SNX4: variants seen among roughly 807,000 people sequenced by gnomAD.
The protein encoded by SNX4 is sorting nexin-4.
In SNX4, 49 loss-of-function variants were observed where a neutral mutation model predicts 70.8. That is an observed-to-expected ratio of 0.69 (90% CI 0.55 to 0.88). SNX4 has a LOEUF of 0.88. Ranked by LOEUF, SNX4 falls within the 40% of genes least tolerant of loss-of-function variation. The pLI, the probability that SNX4 is intolerant of heterozygous loss-of-function variation, is 0.00. For synonymous variants in SNX4, 206 were observed against 183.8 expected, an observed-to-expected ratio of 1.12 and a Z score of -0.98; for missense variants, 528 against 544.8, an observed-to-expected ratio of 0.97 and a Z score of 0.31.
chr3:125,519,047 C>T (rs1420775792), intron 1 of SNX4, among the ~76,000 whole-genome samples: 1 of 151,694 alleles, frequency 6.6e-6, no homozygotes, highest in African/African-American at 2.4e-5. Flanking sequence ...TTAATTTAGC[C>T]GTGCGTGGTG....
chr3:125,449,429 AAAAG>A (rs773250992), intron 13 of SNX4, among the ~76,000 whole-genome samples: 18 of 151,742 alleles, frequency 1.2e-4, no homozygotes, highest in Admixed American at 3.9e-4. Context: ...AAAAAAAAAA[AAAAG>A]AAAGAAAGAA....
chr3:125,450,487 G>A (rs544860974), intron 13 of SNX4, among the ~76,000 whole-genome samples: 3 of 152,162 alleles, frequency 2.0e-5, no homozygotes, highest in Non-Finnish European at 4.4e-5. Context: ...CTATAAATGT[G>A]AGAATTCATC....
At position 125,459,506 on chromosome 3, in the gene SNX4, G is replaced by C. The variant is rs746597983; in HGVS notation, c.944+1265C>G. ...GGCTGGAGTGTAATGGTGCGATCTC[G>C]GCTCACTGCAACCTCCACCTCCCCT... On this transcript the variant is annotated intron_variant, in intron 10 of 13. Coordinates refer to ENST00000251775, the MANE Select transcript of SNX4 (RefSeq NM_003794.4). Among the ~76,000 whole-genome samples, 16 of 152,010 alleles carry C rather than the reference G, an allele frequency of 1.1e-4. 1 individual carries two copies. The highest frequency in any genetic ancestry group is 5.9e-5 in the Non-Finnish European group (4 of 67,982).
chr3:125,457,399 T>C (rs780380198), intron 10 of SNX4, 34 bp from the exon 11 acceptor site: 2 of 1,509,668 alleles, frequency 1.3e-6, no homozygotes, highest in African/African-American at 2.7e-5. Context: ...CATTTAACTT[T>C]TCCTTTAACA....
intron 2 of SNX4, among the ~76,000 whole-genome samples, chr3:125,500,161 C>T (rs568599410): frequency 6.6e-6 from 1 of 151,898 alleles, no homozygotes; most frequent in Non-Finnish European, 1.5e-5. Context: ...TTCATTAGAC[C>T]CCAAAACTAC....
intron 1 of SNX4, among the ~76,000 whole-genome samples, chr3:125,510,417 G>A (rs1226628068): frequency 6.6e-6 from 1 of 151,872 alleles, no homozygotes; most frequent in Non-Finnish European, 1.5e-5. Context: ...TTTTAGTACA[G>A]ACAGGGTTTC....
At chr3:125,497,517 T>C (rs1459210561) in intron 4 of SNX4, 129 bp from the exon 5 acceptor site, 2 of 685,350 alleles carry the variant, frequency 2.9e-6, no homozygotes, top group Non-Finnish European at 5.0e-6. Context: ...AAAATTTCTT[T>C]TCACTTCAAA....
At chr3:125,506,838 A>T (rs1474234779) in intron 1 of SNX4, among the ~76,000 whole-genome samples, 2 of 137,572 alleles carry the variant, frequency 1.5e-5, no homozygotes, top group Non-Finnish European at 3.0e-5. Flanking sequence ...AAAAAAAAAA[A>T]AAAAAAAAAA....
chr3:125,483,916 C>G (rs1316863589), intron 6 of SNX4, among the ~76,000 whole-genome samples: 5 of 152,288 alleles, frequency 3.3e-5, no homozygotes, highest in Middle Eastern at 3.4e-3. Flanking sequence ...AATGAGGAAT[C>G]TTATCATAAA....
chr3:125,459,426 T>A (rs1408224657), intron 10 of SNX4, among the ~76,000 whole-genome samples: 1 of 152,112 alleles, frequency 6.6e-6, no homozygotes, highest in African/African-American at 2.4e-5. Context: ...CTGCAGAGAA[T>A]TCCACTGTAC....
At chr3:125,453,783 C>T in intron 12 of SNX4, 27 bp downstream of exon 12, 1 of 1,608,980 alleles carries the variant, frequency 6.2e-7, no homozygotes, top group East Asian at 2.2e-5. Flanking sequence ...ACAAGCCTAG[C>T]TTACTTAAAC....
At chr3:125,500,528 G>A (rs1466984940) in intron 2 of SNX4, among the ~76,000 whole-genome samples, 8 of 151,930 alleles carry the variant, frequency 5.3e-5, no homozygotes, top group African/African-American at 1.9e-4. Context: ...CTGGCCAGGC[G>A]CAGTGGCTCA....
chr3:125,452,763 G>A (rs930232978), intron 12 of SNX4, among the ~76,000 whole-genome samples: 3 of 152,034 alleles, frequency 2.0e-5, no homozygotes, highest in African/African-American at 2.4e-5. Context: ...GACTGTAGGC[G>A]CCTGCCACCG....
chr3:125,492,648 G>T (rs1010968225), intron 5 of SNX4, among the ~76,000 whole-genome samples: 1 of 152,072 alleles, frequency 6.6e-6, no homozygotes, highest in African/African-American at 2.4e-5. Context: ...CTATTTTAAA[G>T]TATCTTATTT....
At chr3:125,482,755 A>G (rs529887729) in intron 6 of SNX4, among the ~76,000 whole-genome samples, 1 of 152,156 alleles carries the variant, frequency 6.6e-6, no homozygotes, top group Non-Finnish European at 1.5e-5. Context: ...ATAAAGAGGC[A>G]GTGGTGAAGT....
At chr3:125,490,448 C>T (rs1488597331) in intron 5 of SNX4, among the ~76,000 whole-genome samples, 2 of 140,342 alleles carry the variant, frequency 1.4e-5, no homozygotes, top group African/African-American at 2.7e-5. Flanking sequence ...GGCGTGAACC[C>T]GGGAGGCGGA....
In SNX4 at chr3:125,513,695, G is replaced by A. The variant is rs145552524; in HGVS notation, c.141+6337C>T. Among the ~76,000 whole-genome samples, 190 of 152,222 alleles carry A rather than the reference G, an allele frequency of 1.2e-3. No individual in the cohort carries two copies. The South Asian group carries it at 0.013, about 10-fold the overall frequency. ...CTAGGCGTGATGCTTCCGTGTTACT[G>A]AAACATTCAGAGAGTTAAGGATAAG... On this transcript the variant is annotated intron_variant, in intron 1 of 13. Coordinates refer to ENST00000251775, the MANE Select transcript of SNX4 (RefSeq NM_003794.4).
At chr3:125,503,681 T>G (rs988275139) in intron 2 of SNX4, among the ~76,000 whole-genome samples, 3 of 152,306 alleles carry the variant, frequency 2.0e-5, no homozygotes, top group Non-Finnish European at 4.4e-5. Context: ...CCAAGTTCAC[T>G]TCTACATGCC....
At chr3:125,505,832 G>A (rs144227434) in intron 1 of SNX4, among the ~76,000 whole-genome samples, 17 of 152,236 alleles carry the variant, frequency 1.1e-4, no homozygotes, top group Non-Finnish European at 2.2e-4. Context: ...GTGGTAGAGC[G>A]TGTCTTTAGT....
Sources: allele counts gnomAD v4.1 joint callset (sites outside exome capture counted in the v4.1 genomes callset), GRCh38; gene constraint gnomAD v4.1.1; transcripts MANE v1.5; gene names NCBI Gene and HGNC (gene_info 2026-07-23, HGNC 2026-07-21).